The following MEGF9 variants were observed in gnomAD, a reference collection of about 807,000 sequenced individuals.
MEGF9 encodes the protein multiple EGF like domains 9.
MEGF9 carries 6 observed loss-of-function variants against 46.8 expected under a neutral mutation model. That is an observed-to-expected ratio of 0.13 (90% confidence interval 0.07 to 0.25). The LOEUF is 0.25. Among genes scored for constraint, MEGF9 ranks in the 10% least tolerant of loss-of-function variants. The pLI, the probability that MEGF9 is intolerant of heterozygous loss-of-function variation, is 1.00. For missense variants in MEGF9, 683 were observed against 792.4 expected (o/e 0.86, Z 1.66); for synonymous variants, 302 against 330.7 (o/e 0.91, Z 0.94).
chr9:120,711,499 C>CA (rs1199911920), intron 1 of MEGF9, among the ~76,000 whole-genome samples: 2 of 152,118 alleles, frequency 1.3e-5, no homozygotes, highest in African/African-American at 4.8e-5. Flanking sequence ...AAATTGCTAA[C>CA]AGTAGTAACC....
At chr9:120,683,323 G>A (rs745382600) in intron 1 of MEGF9, among the ~76,000 whole-genome samples, 3 of 151,936 alleles carry the variant, frequency 2.0e-5, no homozygotes, top group African/African-American at 4.9e-5. Flanking sequence ...CAAAGGGAAC[G>A]AAATGGTTTG....
intron 1 of MEGF9, among the ~76,000 whole-genome samples, chr9:120,686,411 A>C (rs1243752181): frequency 6.6e-6 from 1 of 152,226 alleles, no homozygotes; most frequent in Non-Finnish European, 1.5e-5. Flanking sequence ...ACAGAGTTTC[A>C]AATTTGCAAG....
chr9:120,636,478 T>G (rs992657643), intron 2 of MEGF9, among the ~76,000 whole-genome samples: 2 of 152,136 alleles, frequency 1.3e-5, no homozygotes, highest in African/African-American at 4.8e-5. Flanking sequence ...TCAAAAAGAG[T>G]ACTGCTTAAG....
intron 2 of MEGF9, among the ~76,000 whole-genome samples, chr9:120,625,015 T>C (rs1328844291): frequency 6.6e-6 from 1 of 152,214 alleles, no homozygotes; most frequent in Non-Finnish European, 1.5e-5. Flanking sequence ...GGCACATGCC[T>C]ATAGTCCCAG....
chr9:120,662,132 G>C (rs1362580219), intron 1 of MEGF9, among the ~76,000 whole-genome samples: 2 of 152,116 alleles, frequency 1.3e-5, no homozygotes, highest in Non-Finnish European at 2.9e-5. Flanking sequence ...GAATCCAATT[G>C]AATTTAAGAA....
At chr9:120,613,377 G>A (rs950443028) in intron 3 of MEGF9, among the ~76,000 whole-genome samples, 2 of 151,368 alleles carry the variant, frequency 1.3e-5, no homozygotes, top group African/African-American at 4.9e-5. Context: ...ACAGGACTAC[G>A]GAGGAAAAGA....
chr9:120,624,647 A>C (rs570379191), intron 2 of MEGF9, among the ~76,000 whole-genome samples: 2 of 152,246 alleles, frequency 1.3e-5, no homozygotes, highest in African/African-American at 4.8e-5. Context: ...TGGGTGGGTC[A>C]CTTGAGGTCA....
intron 2 of MEGF9, among the ~76,000 whole-genome samples, chr9:120,639,360 T>A (rs955007500): frequency 3.3e-5 from 5 of 151,682 alleles, no homozygotes. Flanking sequence ...AATACCAAAA[T>A]GAGCCGGGCA....
intron 2 of MEGF9, among the ~76,000 whole-genome samples, chr9:120,638,045 T>A (rs1311762324): frequency 6.6e-6 from 1 of 152,094 alleles, no homozygotes; most frequent in Non-Finnish European, 1.5e-5. Context: ...CAGACTGAAG[T>A]GCAGTGATGC....
intron 2 of MEGF9, among the ~76,000 whole-genome samples, chr9:120,653,380 T>TA (rs1277554401): frequency 4.1e-5 from 6 of 145,254 alleles, no homozygotes; most frequent in African/African-American, 1.4e-4. Flanking sequence ...TTTTATTTAT[T>TA]TTTTTTTTTG....
intron 1 of MEGF9, among the ~76,000 whole-genome samples, chr9:120,662,781 C>T (rs956667018): frequency 3.9e-5 from 6 of 152,176 alleles, no homozygotes; most frequent in African/African-American, 1.2e-4. Context: ...TTATATCCTG[C>T]GGATAAGATC....
intron 1 of MEGF9, among the ~76,000 whole-genome samples, chr9:120,711,864 C>CACACACAT (rs1399949031): frequency 6.7e-5 from 10 of 149,892 alleles, no homozygotes. Flanking sequence ...CACACACACA[C>CACACACAT]ACACACACCC....
Position 120,611,147 on chromosome 9 carries a change from G to A in MEGF9, c.1087+1249C>T, listed in dbSNP as rs151075111. Among the ~76,000 whole-genome samples, 449 of 152,276 alleles carry A rather than the reference G, an allele frequency of 2.9e-3. 4 individuals are homozygous for A. Among genetic ancestry groups the A allele is most frequent in the African/African-American group, 0.01 (430 of 41,568 alleles). On this transcript the variant is annotated intron_variant, in intron 4 of 5. Coordinates refer to ENST00000373930, the MANE Select transcript of MEGF9 (RefSeq NM_001080497.3). ...ACCTACATACAGGGTTGGTGAGAAT[G>A]AGAATGCAAAATGGTGTACTCATTT...
At chr9:120,665,422 C>T (rs1218191336) in intron 1 of MEGF9, among the ~76,000 whole-genome samples, 1 of 152,154 alleles carries the variant, frequency 6.6e-6, no homozygotes, top group Non-Finnish European at 1.5e-5. Context: ...TAAGGCTAGT[C>T]TTGAACTCCT....
At chr9:120,634,446 CTTTTTTTTT>C (rs1158273579) in intron 2 of MEGF9, among the ~76,000 whole-genome samples, 10 of 46,930 alleles carry the variant, frequency 2.1e-4, no homozygotes, top group South Asian at 1.1e-3. Flanking sequence ...TGTGGAATAT[CTTTTTTTTT>C]TTTTTTTTTT....
intron 2 of MEGF9, among the ~76,000 whole-genome samples, chr9:120,656,992 AC>A (rs975971228): frequency 6.6e-6 from 1 of 152,172 alleles, no homozygotes; most frequent in African/African-American, 2.4e-5. Context: ...AAAAATACCC[AC>A]CATGATTGGA....
chr9:120,666,543 G>A (rs2043725914), intron 1 of MEGF9, among the ~76,000 whole-genome samples: 1 of 152,170 alleles, frequency 6.6e-6, no homozygotes, highest in Non-Finnish European at 1.5e-5. Flanking sequence ...AAAATTACTG[G>A]TGTTAAGTAC....
chr9:120,640,175 C>G (rs1437142354), intron 2 of MEGF9, among the ~76,000 whole-genome samples: 2 of 152,170 alleles, frequency 1.3e-5, no homozygotes, highest in Non-Finnish European at 2.9e-5. Flanking sequence ...CATACTACCC[C>G]CTAACTCCTG....
rs1189558240 is a variant in MEGF9, at chr9:120,605,301, A to T, written c.1698T>A (p.His566Gln). ...AAACATCTGCATTGGGAATGCTGTC[A>T]TGGTAGCTGCTGAAACTGATATTGT... ...KEDNISFSSY[H>Q]DSIPNADVSG... Residue 566 changes from histidine (H) to glutamine (Q), a missense_variant, in exon 6 of 6, where the codon CAT becomes CAA. Transcript: ENST00000373930. The surrounding 1 kb of genome is among the most constrained non-coding windows in gnomAD (Gnocchi z 4.0). 1 of 1,613,888 alleles carries T rather than the reference A, an allele frequency of 6.2e-7. No homozygotes were observed. Among genetic ancestry groups the T allele is most frequent in the Non-Finnish European group, 8.5e-7 (1 of 1,179,892 alleles).
Sources: allele counts gnomAD v4.1 joint callset (sites outside exome capture counted in the v4.1 genomes callset), GRCh38; gene constraint gnomAD v4.1.1; non-coding constraint Gnocchi (gnomAD v3.1); transcripts MANE v1.5; gene names NCBI Gene and HGNC (gene_info 2026-07-23, HGNC 2026-07-21).